SLC36A1: variants seen among roughly 807,000 people sequenced by gnomAD.
The protein encoded by SLC36A1 is proton-coupled amino acid transporter 1.
In SLC36A1, 30 loss-of-function variants were observed where a neutral mutation model predicts 47.5. That is an observed-to-expected ratio of 0.63 (90% CI 0.47 to 0.86). The LOEUF (loss-of-function observed/expected upper bound fraction) is 0.86. SLC36A1 is among the 40% of genes least tolerant of loss of function. The probability of loss-of-function intolerance (pLI) is 0.00; values close to 1 mark genes in which losing one functional copy is unlikely to be tolerated. For synonymous variants in SLC36A1, 255 were observed against 249.7 expected, an observed-to-expected ratio of 1.02 and a Z score of -0.20; for missense variants, 517 against 606.0, an observed-to-expected ratio of 0.85 and a Z score of 1.54.
the SLC36A1 span, among the ~76,000 whole-genome samples, chr5:151,397,688 C>A: frequency 2.2e-5 from 3 of 134,286 alleles, no homozygotes; most frequent in African/African-American, 8.6e-5. Context: ...CGCTTGAATC[C>A]GGGAGGCAGA....
At chr5:151,363,793 T>C in the SLC36A1 span, among the ~76,000 whole-genome samples, 2,123 of 152,330 alleles carry the variant, frequency 0.014, 41 homozygotes, top group African/African-American at 0.048. Flanking sequence ...TCAAGATTTA[T>C]GGGATTGCAC....
At chr5:151,516,746 T>C in the SLC36A1 span, among the ~76,000 whole-genome samples, 1 of 152,192 alleles carries the variant, frequency 6.6e-6, no homozygotes, top group African/African-American at 2.4e-5. Context: ...ACATAGTAGA[T>C]GCTCAATAAA....
the SLC36A1 span, among the ~76,000 whole-genome samples, chr5:151,513,166 T>A: frequency 6.6e-6 from 1 of 152,326 alleles, no homozygotes; most frequent in Admixed American, 6.5e-5. Context: ...GAAGTAAATA[T>A]GAGAAGCCAG....
the SLC36A1 span, among the ~76,000 whole-genome samples, chr5:151,384,434 A>G: frequency 6.6e-6 from 1 of 152,250 alleles, no homozygotes; most frequent in Admixed American, 6.5e-5. Flanking sequence ...GAGAGCTAGC[A>G]GTTTACACAT....
chr5:151,483,906 C>T (rs1485080702), intron 10 of SLC36A1, among the ~76,000 whole-genome samples: 1 of 152,214 alleles, frequency 6.6e-6, no homozygotes, highest in East Asian at 1.9e-4. Context: ...CTTCCCTTTG[C>T]AGCCCTGTGG....
At chr5:151,524,358 G>A in the SLC36A1 span, among the ~76,000 whole-genome samples, 4 of 152,118 alleles carry the variant, frequency 2.6e-5, no homozygotes, top group Admixed American at 2.6e-4. Flanking sequence ...AAATTCATAT[G>A]TTAAAATCTA....
At chr5:151,430,792 T>G in the SLC36A1 span, among the ~76,000 whole-genome samples, 4 of 152,368 alleles carry the variant, frequency 2.6e-5, no homozygotes, top group Non-Finnish European at 5.9e-5. Flanking sequence ...TAATGCTTTT[T>G]GGGTATCCTC....
At chr5:151,352,836 G>C in the SLC36A1 span, among the ~76,000 whole-genome samples, 1 of 152,150 alleles carries the variant, frequency 6.6e-6, no homozygotes, top group Non-Finnish European at 1.5e-5. Flanking sequence ...TAAACATAAG[G>C]ATAATCCAGG....
the SLC36A1 span, among the ~76,000 whole-genome samples, chr5:151,375,206 T>G: frequency 2.0e-5 from 3 of 152,200 alleles, no homozygotes; most frequent in Non-Finnish European, 4.4e-5. Context: ...TATGTTTAAG[T>G]CTCTAATCCA....
chr5:151,532,137 T>C, the SLC36A1 span, among the ~76,000 whole-genome samples: 1 of 152,116 alleles, frequency 6.6e-6, no homozygotes, highest in Non-Finnish European at 1.5e-5. Context: ...GTGTCTTGAC[T>C]GGGGCAGGGA....
chr5:151,517,752 C>A, the SLC36A1 span: 2 of 1,614,160 alleles, frequency 1.2e-6, no homozygotes, highest in East Asian at 4.5e-5. Flanking sequence ...GACCACTGAA[C>A]CTTGTAGCAG....
At chr5:151,349,326 T>C in the SLC36A1 span, among the ~76,000 whole-genome samples, 8 of 151,844 alleles carry the variant, frequency 5.3e-5, no homozygotes, top group African/African-American at 1.9e-4. Flanking sequence ...AAAAAAAGCT[T>C]GTAGGGTGGG....
chr5:151,481,874 A>G (rs1758847338), intron 10 of SLC36A1, among the ~76,000 whole-genome samples: 1 of 152,236 alleles, frequency 6.6e-6, no homozygotes. Context: ...CCTTATGTCC[A>G]GACCTTGTGT....
the SLC36A1 span, chr5:151,521,367 A>T: frequency 6.2e-7 from 1 of 1,614,192 alleles, no homozygotes; most frequent in South Asian, 1.1e-5. Context: ...TGGGGTCCAG[A>T]TGCACTGTGT....
chr5:151,515,194 C>G, the SLC36A1 span, among the ~76,000 whole-genome samples: 1 of 152,278 alleles, frequency 6.6e-6, no homozygotes, highest in South Asian at 2.1e-4. Flanking sequence ...CTTCTTGATA[C>G]GTGTTCTTCA....
intron 1 of SLC36A1, among the ~76,000 whole-genome samples, chr5:151,437,690 A>C (rs1759851211): frequency 6.6e-6 from 1 of 152,208 alleles, no homozygotes; most frequent in Non-Finnish European, 1.5e-5. Flanking sequence ...CATAACTTTA[A>C]TAATGATATA....
At chr5:151,535,926 G>A in the SLC36A1 span, among the ~76,000 whole-genome samples, 7 of 152,216 alleles carry the variant, frequency 4.6e-5, no homozygotes, top group East Asian at 1.3e-3. Flanking sequence ...GAGAGCAGAG[G>A]AAAAACCTGG....
At chr5:151,460,945 G>T (rs1561743455) in intron 2 of SLC36A1, among the ~76,000 whole-genome samples, 1 of 151,090 alleles carries the variant, frequency 6.6e-6, no homozygotes, top group Non-Finnish European at 1.5e-5. Flanking sequence ...TAGTTAGGGG[G>T]TGCAAATAGG....
chr5:151,434,626 G>T (rs1265235425), upstream of SLC36A1, among the ~76,000 whole-genome samples: 1 of 152,178 alleles, frequency 6.6e-6, no homozygotes, highest in Non-Finnish European at 1.5e-5. Context: ...GTCATGGACT[G>T]TGTATTGAAA....
Sources: allele counts gnomAD v4.1 joint callset (sites outside exome capture counted in the v4.1 genomes callset), GRCh38; gene constraint gnomAD v4.1.1; transcripts MANE v1.5; gene names NCBI Gene and HGNC (gene_info 2026-07-23, HGNC 2026-07-21).